The following BCL2L1 variants were observed in gnomAD, a reference collection of about 807,000 sequenced individuals.
The protein encoded by BCL2L1 is BCL2 like 1.
BCL2L1 carries 1 observed loss-of-function variant against 18.7 expected under a neutral mutation model. The ratio of observed to expected loss-of-function variants is 0.05; its 90% CI spans 0.02 to 0.25. The LOEUF is 0.25. Among genes scored for constraint, BCL2L1 ranks in the 10% least tolerant of loss-of-function variants. The pLI is 1.00. For synonymous variants in BCL2L1, 103 were observed against 122.7 expected (o/e 0.84, Z 1.06); for missense variants, 207 against 304.9 (o/e 0.68, Z 2.39).
At chr20:31,700,487 T>C (rs193263510) in intron 2 of BCL2L1, among the ~76,000 whole-genome samples, 126 of 152,314 alleles carry the variant, frequency 8.3e-4, no homozygotes, top group Admixed American at 1.4e-3. Flanking sequence ...CAAACCTGGT[T>C]CTAGCTGACC....
At position 31,720,656 on chromosome 20, in the gene BCL2L1, C is replaced by T. The variant is rs996267753; in HGVS notation, c.564+999G>A. 1.8e-5 allele frequency: 18 copies of T among 981,792 alleles called. No individual in the cohort carries two copies. In the African/African-American group the frequency reaches 3.1e-4, roughly 17 times the overall value. 60.8% of individuals were successfully genotyped at this position (981,792 alleles called of 1,614,324 possible). A position where few individuals can be genotyped will look rare whatever the true frequency, so the allele number is the denominator to read the frequency against. ...CATTATCGCCAAGATTTACAATACA[C>T]TGTAAGGCAAGGAGAGCTTGCCACA... On this transcript the variant is annotated intron_variant, in intron 2 of 2. Transcript: ENST00000307677.
intron 2 of BCL2L1, among the ~76,000 whole-genome samples, chr20:31,673,356 G>A (rs1471412526): frequency 2.0e-5 from 3 of 151,944 alleles, no homozygotes; most frequent in South Asian, 2.1e-4. Flanking sequence ...TTAAAGACAT[G>A]AGCCACCGCA....
chr20:31,712,222 G>A (rs1483697777), intron 2 of BCL2L1, among the ~76,000 whole-genome samples: 1 of 152,190 alleles, frequency 6.6e-6, no homozygotes, highest in Non-Finnish European at 1.5e-5. Context: ...CTAGACAATA[G>A]CGCACTGGAC....
rs562803885 is a variant in BCL2L1 at position 31,685,740 on chromosome 20, T to C, written c.565-19654A>G. On this transcript the variant is annotated intron_variant, in intron 2 of 2. Coordinates refer to ENST00000307677, the MANE Select transcript of BCL2L1 (RefSeq NM_138578.3). ...ATCCTATCTCCGGGCCCTTTTTTTT[T>C]CCCCTCAAGGGAGCAGTGGAGTGTA... Among the ~76,000 whole-genome samples, 63 of 152,238 alleles carry C rather than the reference T, an allele frequency of 4.1e-4. No homozygotes were observed. The South Asian group carries it at 4.4e-3, about 11-fold the overall frequency.
At chr20:31,678,507 G>A (rs1224579911) in intron 2 of BCL2L1, among the ~76,000 whole-genome samples, 1 of 152,072 alleles carries the variant, frequency 6.6e-6, no homozygotes, top group Non-Finnish European at 1.5e-5. Flanking sequence ...TGACTACCAG[G>A]GTTCTCTCTC....
chr20:31,718,431 G>A (rs1342660121), intron 2 of BCL2L1, among the ~76,000 whole-genome samples: 1 of 152,118 alleles, frequency 6.6e-6, no homozygotes, highest in Non-Finnish European at 1.5e-5. Context: ...TGAGGCAGGC[G>A]GATCACCTGA....
intron 2 of BCL2L1, among the ~76,000 whole-genome samples, chr20:31,704,816 G>A (rs2061346092): frequency 6.6e-6 from 1 of 152,202 alleles, no homozygotes; most frequent in Non-Finnish European, 1.5e-5. Context: ...CTAGGATTTA[G>A]TTCAAAGCTA....
chr20:31,692,032 CAAT>C (rs761396534), intron 2 of BCL2L1, among the ~76,000 whole-genome samples: 24 of 152,356 alleles, frequency 1.6e-4, no homozygotes, highest in Middle Eastern at 3.4e-3. Flanking sequence ...AACCCTACAA[CAAT>C]GATTCTCAGT....
At chr20:31,695,816 T>C (rs1328670757) in intron 2 of BCL2L1, among the ~76,000 whole-genome samples, 1 of 152,228 alleles carries the variant, frequency 6.6e-6, no homozygotes, top group Non-Finnish European at 1.5e-5. Flanking sequence ...GCACAGCTCA[T>C]GCCCTCACTG....
intron 2 of BCL2L1, among the ~76,000 whole-genome samples, chr20:31,690,188 A>G (rs1414265612): frequency 2.0e-5 from 3 of 151,886 alleles, no homozygotes; most frequent in Non-Finnish European, 4.4e-5. Flanking sequence ...GACTGAAGAG[A>G]TTCTCCTATT....
chr20:31,698,596 T>C (rs1197558368), intron 2 of BCL2L1, among the ~76,000 whole-genome samples: 1 of 151,892 alleles, frequency 6.6e-6, no homozygotes, highest in Non-Finnish European at 1.5e-5. Flanking sequence ...TGGGGTATAG[T>C]GGTGTGAACA....
chr20:31,718,152 G>A (rs1359127941), intron 2 of BCL2L1, among the ~76,000 whole-genome samples: 1 of 152,166 alleles, frequency 6.6e-6, no homozygotes. Flanking sequence ...CATTTTACAG[G>A]CGGGAGAGAC....
intron 2 of BCL2L1, among the ~76,000 whole-genome samples, chr20:31,692,495 G>T (rs1240045056): frequency 6.6e-6 from 1 of 152,246 alleles, no homozygotes; most frequent in African/African-American, 2.4e-5. Context: ...GAATGCACAG[G>T]CTGGGCGCAG....
At chr20:31,721,602 G>C (rs2061632348) in intron 2 of BCL2L1, 53 bp downstream of exon 2, 2 of 1,516,810 alleles carry the variant, frequency 1.3e-6, no homozygotes, top group African/African-American at 1.4e-5. Context: ...GGCTGTTGGG[G>C]ATCTCTGACC....
At chr20:31,720,200 A>G (rs1288850769) in intron 2 of BCL2L1, 12 of 969,382 alleles carry the variant, frequency 1.2e-5, no homozygotes, top group Non-Finnish European at 1.5e-5. Flanking sequence ...GACGAGTTGA[A>G]ATTGCAAAGA....
intron 2 of BCL2L1, among the ~76,000 whole-genome samples, chr20:31,692,493 A>AGGCTGGGCGCAGT (rs1272707220): frequency 2.0e-5 from 3 of 152,376 alleles, no homozygotes; most frequent in African/African-American, 7.2e-5. Context: ...AAGAATGCAC[A>AGGCTGGGCGCAGT]GGCTGGGCGC....
At chr20:31,702,726 G>A (rs906031247) in intron 2 of BCL2L1, among the ~76,000 whole-genome samples, 28 of 151,310 alleles carry the variant, frequency 1.9e-4, no homozygotes, top group African/African-American at 6.8e-4. Flanking sequence ...TGGTCAGGCT[G>A]GTCTCGAACC....
chr20:31,681,689 G>T (rs2060865570), intron 2 of BCL2L1, among the ~76,000 whole-genome samples: 1 of 152,218 alleles, frequency 6.6e-6, no homozygotes, highest in South Asian at 2.1e-4. Context: ...ATTTGCTGAT[G>T]AATTAGATGT....
intron 2 of BCL2L1, among the ~76,000 whole-genome samples, chr20:31,678,889 C>T (rs2060807567): frequency 6.6e-6 from 1 of 152,182 alleles, no homozygotes; most frequent in Non-Finnish European, 1.5e-5. Flanking sequence ...CAAATCCCTG[C>T]AACACCCTTC....
Sources: gnomAD v4.1 joint callset for allele counts (sites outside exome capture counted in the v4.1 genomes callset) on GRCh38, gnomAD v4.1.1 for gene constraint, MANE v1.5 for transcripts, NCBI Gene and HGNC (gene_info 2026-07-23, HGNC 2026-07-21) for gene names.